Variants in FHIT observed in about 807,000 individuals in gnomAD.
FHIT encodes the protein bis(5'-adenosyl)-triphosphatase.
Under a neutral mutation model 17.9 loss-of-function variants are expected in FHIT, and 19 were observed. The ratio of observed to expected loss-of-function variants is 1.06; its 90% CI spans 0.74 to 1.56. FHIT has a LOEUF of 1.56. FHIT is among the 40% of genes most tolerant of loss of function. The pLI, the probability that FHIT is intolerant of heterozygous loss-of-function variation, is 0.00. For missense variants in FHIT, 248 were observed against 189.2 expected, an observed-to-expected ratio of 1.31 and a Z score of -1.82; for synonymous variants, 81 against 69.7, an observed-to-expected ratio of 1.16 and a Z score of -0.81.
intron 2 of FHIT, among the ~76,000 whole-genome samples, chr3:61,043,087 G>T (rs1176344633): frequency 6.6e-6 from 1 of 152,148 alleles, no homozygotes; most frequent in Non-Finnish European, 1.5e-5. Flanking sequence ...GAGGTACCGG[G>T]TTCATCTCAC....
chr3:60,711,104 A>G (rs1559659578), intron 4 of FHIT, among the ~76,000 whole-genome samples: 1 of 152,198 alleles, frequency 6.6e-6, no homozygotes, highest in Admixed American at 6.5e-5. Flanking sequence ...AGACAGCAGC[A>G]TTCACAGATC....
chr3:60,729,486 A>G (rs1186611692), intron 4 of FHIT, among the ~76,000 whole-genome samples: 3 of 152,232 alleles, frequency 2.0e-5, no homozygotes, highest in African/African-American at 7.2e-5. Flanking sequence ...TTACCTTTAA[A>G]AGCAAAACTT....
At chr3:60,014,198 G>T (rs1298957363) in intron 5 of FHIT, 46 bp from the exon 6 acceptor site, 1 of 1,604,500 alleles carries the variant, frequency 6.2e-7, no homozygotes, top group African/African-American at 1.3e-5. Context: ...TTTGGGTAGT[G>T]TTCTTACCAA....
chr3:59,846,798 G>A (rs1330760581), intron 8 of FHIT, among the ~76,000 whole-genome samples: 1 of 152,130 alleles, frequency 6.6e-6, no homozygotes, highest in Admixed American at 6.6e-5. Context: ...ATCTGGGAAT[G>A]CCTTAATTTC....
chr3:60,134,851 A>G (rs1699747186), intron 5 of FHIT, among the ~76,000 whole-genome samples: 1 of 152,184 alleles, frequency 6.6e-6, no homozygotes, highest in Non-Finnish European at 1.5e-5. Flanking sequence ...AAGCTGTGGT[A>G]CTATGGCTCT....
intron 4 of FHIT, among the ~76,000 whole-genome samples, chr3:60,557,808 A>G (rs1359726934): frequency 1.3e-5 from 2 of 152,086 alleles, no homozygotes; most frequent in East Asian, 1.9e-4. Flanking sequence ...ATGCATTTTG[A>G]GTCCAAGTAA....
intron 8 of FHIT, among the ~76,000 whole-genome samples, chr3:59,805,891 T>A (rs1700174590): frequency 6.6e-6 from 1 of 152,038 alleles, no homozygotes; most frequent in South Asian, 2.1e-4. Flanking sequence ...CTTTTAAAGA[T>A]CATGGGGAAG....
At chr3:61,002,038 T>C (rs1001045597) in intron 3 of FHIT, among the ~76,000 whole-genome samples, 7 of 152,210 alleles carry the variant, frequency 4.6e-5, no homozygotes, top group Admixed American at 1.3e-4. Flanking sequence ...CTTGTATATA[T>C]TTAGGGGGTG....
intron 5 of FHIT, among the ~76,000 whole-genome samples, chr3:60,153,251 C>T (rs1018890781): frequency 6.6e-6 from 1 of 151,532 alleles, no homozygotes; most frequent in African/African-American, 2.4e-5. Context: ...AGTAGTAAAA[C>T]CCAGACTAGA....
At chr3:60,127,380 T>A (rs77324651) in intron 5 of FHIT, among the ~76,000 whole-genome samples, 29,015 of 152,088 alleles carry the variant, frequency 0.19, 2,979 homozygotes, top group South Asian at 0.27. Context: ...GGCAGAAAAG[T>A]TGACAGGTCT....
intron 4 of FHIT, among the ~76,000 whole-genome samples, chr3:60,559,630 C>T (rs2682982): frequency 0.95 from 145,057 of 152,204 alleles, 69,186 homozygotes; most frequent in East Asian, 1. Flanking sequence ...AGAGGTCTCT[C>T]ACTAACCAAG....
chr3:60,143,688 C>G (rs1700126169), intron 5 of FHIT, among the ~76,000 whole-genome samples: 1 of 151,982 alleles, frequency 6.6e-6, no homozygotes, highest in Non-Finnish European at 1.5e-5. Context: ...AACTATAAGT[C>G]AAACAGTATG....
chr3:60,198,607 G>C (rs1451398422), intron 5 of FHIT, among the ~76,000 whole-genome samples: 3 of 152,088 alleles, frequency 2.0e-5, no homozygotes, highest in African/African-American at 7.2e-5. Context: ...ACATTCATTA[G>C]GACTGAGGAT....
rs552084836 is a variant in FHIT at position 60,091,972 on chromosome 3, G to A, written c.104-77820C>T. ...TGTGAGAACAGACAAATACACCATA[G>A]TACCTCCAACCTGCTAATTAAGTCA... On this transcript the variant is annotated intron_variant, in intron 5 of 9. Transcript: ENST00000492590. Among the ~76,000 whole-genome samples, 157 of 152,192 alleles carry A rather than the reference G, an allele frequency of 1.0e-3. 1 individual carries two copies. The highest frequency in any genetic ancestry group is 1.9e-3 in the Non-Finnish European group (128 of 68,026).
chr3:60,626,121 T>A (rs1212410464), intron 4 of FHIT, among the ~76,000 whole-genome samples: 2 of 152,194 alleles, frequency 1.3e-5, no homozygotes, highest in African/African-American at 4.8e-5. Context: ...ACTCTCTTGA[T>A]CACTGTAGAG....
chr3:59,772,098 C>G (rs571400317), intron 8 of FHIT, among the ~76,000 whole-genome samples: 122 of 152,290 alleles, frequency 8.0e-4, no homozygotes, highest in African/African-American at 2.8e-3. Flanking sequence ...GCTTGTATCT[C>G]CATGTTAGCA....
At position 59,824,286 on chromosome 3, in the gene FHIT, T is replaced by TA. The variant is rs1043293645; in HGVS notation, c.349-71966dup. ...GAGTGTTAAAGAAGAAGGAAAGGGG[T>TA]AAAAAAGAATGGGAATAGAGGCATG... On this transcript the variant is annotated intron_variant, in intron 8 of 9. Coordinates refer to ENST00000492590, the MANE Select transcript of FHIT (RefSeq NM_002012.4). Among the ~76,000 whole-genome samples, 286 of 151,652 alleles carry TA rather than the reference T, an allele frequency of 1.9e-3. 1 individual carries two copies. Among genetic ancestry groups the TA allele is most frequent in the African/African-American group, 6.7e-3 (276 of 41,352 alleles).
chr3:60,873,808 G>C (rs2107083302), intron 3 of FHIT, among the ~76,000 whole-genome samples: 1 of 152,254 alleles, frequency 6.6e-6, no homozygotes. Context: ...CCATTTCAGA[G>C]AGTATGTTTC....
intron 3 of FHIT, among the ~76,000 whole-genome samples, chr3:60,972,451 G>C (rs1256243858): frequency 6.6e-6 from 1 of 151,902 alleles, no homozygotes; most frequent in Non-Finnish European, 1.5e-5. Flanking sequence ...TCTCATTGGT[G>C]TGCCTTTGAA....
Sources: allele counts gnomAD v4.1 joint callset (sites outside exome capture counted in the v4.1 genomes callset), GRCh38; gene constraint gnomAD v4.1.1; transcripts MANE v1.5; gene names NCBI Gene and HGNC (gene_info 2026-07-23, HGNC 2026-07-21).